The following TRPC1 variants were observed in gnomAD, a reference collection of about 807,000 sequenced individuals.
TRPC1 encodes the protein transient receptor potential cation channel subfamily C member 1.
In TRPC1, 42 loss-of-function variants were observed where a neutral mutation model predicts 88.2. The ratio of observed to expected loss-of-function variants is 0.48; its 90% confidence interval spans 0.37 to 0.62. The LOEUF is 0.62. Among genes scored for constraint, TRPC1 ranks in the 20% least tolerant of loss-of-function variants. The pLI is 0.00. For missense variants in TRPC1, 699 were observed against 957.3 expected (o/e 0.73, Z 3.56); for synonymous variants, 288 against 331.8 (o/e 0.87, Z 1.43).
intron 9 of TRPC1, among the ~76,000 whole-genome samples, chr3:142,800,762 CA>C (rs1427246080): frequency 6.6e-6 from 1 of 151,490 alleles, no homozygotes; most frequent in Non-Finnish European, 1.5e-5. Context: ...ACTAAAAATA[CA>C]AAAAATTAGC....
At chr3:142,790,947 G>T in intron 7 of TRPC1, 72 bp from the exon 8 acceptor site, 1 of 1,197,626 alleles carries the variant, frequency 8.3e-7, no homozygotes, top group Non-Finnish European at 1.1e-6. Context: ...AATATTTTGA[G>T]TCTTAAAGTA....
intron 2 of TRPC1, among the ~76,000 whole-genome samples, chr3:142,738,485 T>A (rs1236231714): frequency 6.6e-6 from 1 of 152,258 alleles, no homozygotes; most frequent in Non-Finnish European, 1.5e-5. Flanking sequence ...CATTTTATAT[T>A]GCTTTGCATT....
At position 142,748,471 on chromosome 3, in the gene TRPC1, T is replaced by G. The variant is rs958275645; in HGVS notation, c.632+11T>G. 4 of 1,612,434 alleles carry G rather than the reference T, an allele frequency of 2.5e-6. No individual in the cohort carries two copies. Among genetic ancestry groups the G allele is most frequent in the Admixed American group, 1.7e-5 (1 of 59,948 alleles). On this transcript the variant is annotated intron_variant, in intron 4 of 12. Coordinates refer to ENST00000476941, the MANE Select transcript of TRPC1 (RefSeq NM_001251845.2). The stretch of plus-strand genomic sequence containing the variant: ...CCTCCGGCATTCCAGGTTAGAACAT[T>G]AAACTTTTGATAAATAGATGTGTGA...
intron 4 of TRPC1, among the ~76,000 whole-genome samples, chr3:142,774,650 CAATA>C (rs1219954646): frequency 6.6e-6 from 1 of 152,130 alleles, no homozygotes; most frequent in Admixed American, 6.5e-5. Flanking sequence ...CAACAATTCT[CAATA>C]AACAGTTTCC....
chr3:142,746,990 T>A (rs1288470018), intron 3 of TRPC1, among the ~76,000 whole-genome samples: 1 of 152,242 alleles, frequency 6.6e-6, no homozygotes, highest in Non-Finnish European at 1.5e-5. Flanking sequence ...AATAAAATAC[T>A]TGAACACAGA....
rs762220641 is a variant in TRPC1, at chr3:142,780,823, G to A, written c.765-11G>A. 2 of 1,585,802 alleles carry A rather than the reference G, an allele frequency of 1.3e-6. No homozygotes were observed. Among genetic ancestry groups the A allele is most frequent in the South Asian group, 1.2e-5 (1 of 85,484 alleles). On this transcript the variant is annotated splice_polypyrimidine_tract_variant and intron_variant, in intron 5 of 12. Transcript: ENST00000476941. The stretch of plus-strand genomic sequence containing the variant: ...ACGACGTTTCTGATAATAGAATGCT[G>A]CATTTTATAGGAATGATTATGAGGA...
rs867436781 is a variant in TRPC1, at chr3:142,763,935, C to G, written c.633-13697C>G. Among the ~76,000 whole-genome samples the G allele has an allele frequency of 3.0e-4, 21 of 70,624 alleles. 1 individual carries two copies. The East Asian group carries it at 8.3e-3, about 28-fold the overall frequency. The allele number at this position is 70,624 out of a possible 152,430, so 46.3% of individuals were successfully genotyped here. A position where few individuals can be genotyped will look rare whatever the true frequency, so the allele number is the denominator to read the frequency against. ...TTGCAGTCCAGCCTGGGCAATAGAG[C>G]GAGACTCCGTCTCAAAAAAAAGAAA... On this transcript the variant is annotated intron_variant, in intron 4 of 12. Transcript: ENST00000476941.
At chr3:142,750,358 C>T (rs1039785431) in intron 4 of TRPC1, among the ~76,000 whole-genome samples, 1 of 152,146 alleles carries the variant, frequency 6.6e-6, no homozygotes, top group Non-Finnish European at 1.5e-5. Flanking sequence ...ATCAAAACCA[C>T]AGTGAGATAC....
intron 4 of TRPC1, among the ~76,000 whole-genome samples, chr3:142,768,503 T>C (rs1935472311): frequency 6.6e-6 from 1 of 152,144 alleles, no homozygotes; most frequent in African/African-American, 2.4e-5. Flanking sequence ...TTTTGGACAG[T>C]GTACTATTGG....
intron 11 of TRPC1, 79 bp downstream of exon 11, chr3:142,804,257 T>A: frequency 7.9e-7 from 1 of 1,260,504 alleles, no homozygotes; most frequent in Non-Finnish European, 1.1e-6. Flanking sequence ...AGCCAAAGAT[T>A]ATAAGATTAT....
intron 9 of TRPC1, among the ~76,000 whole-genome samples, chr3:142,794,348 TATA>T (rs763000920): frequency 3.8e-4 from 58 of 152,122 alleles, no homozygotes; most frequent in Non-Finnish European, 6.8e-4. Context: ...AAGGAGAAAG[TATA>T]ATATTTTTTA....
rs571720881 is a variant in TRPC1, at chr3:142,739,769, A to G, written c.327+3236A>G. 1.5e-4 allele frequency among the ~76,000 whole-genome samples: 23 copies of G among 152,284 alleles called. No homozygotes were observed. The South Asian group carries it at 4.4e-3, about 29-fold the overall frequency. On this transcript the variant is annotated intron_variant, in intron 2 of 12. Coordinates refer to ENST00000476941, the MANE Select transcript of TRPC1 (RefSeq NM_001251845.2). The stretch of plus-strand genomic sequence containing the variant: ...TGGAAAGTGGGAAAGGCTATAGCCT[A>G]TGTCAATAGTTTTTGTAGTAATCTA...
rs543104293 is a variant in TRPC1, at chr3:142,724,893, C to T, written c.172+162C>T. ...GCGGTCTTCTCCTCACCGCCTCTGC[C>T]CTGTGAGTGTGGAGCTGGCGGGAGA... On this transcript the variant is annotated intron_variant, in intron 1 of 12. Coordinates refer to ENST00000476941, the MANE Select transcript of TRPC1 (RefSeq NM_001251845.2). The surrounding 1 kb of genome is among the most constrained non-coding windows in gnomAD (Gnocchi z 5.6). 2.0e-5 allele frequency among the ~76,000 whole-genome samples: 3 copies of T among 152,216 alleles called. No homozygotes were observed. Among genetic ancestry groups the T allele is most frequent in the Non-Finnish European group, 4.4e-5 (3 of 68,034 alleles).
intron 1 of TRPC1, among the ~76,000 whole-genome samples, chr3:142,732,585 A>T (rs1168450184): frequency 6.6e-6 from 1 of 152,158 alleles, no homozygotes; most frequent in Non-Finnish European, 1.5e-5. Flanking sequence ...TGTGGGTAGC[A>T]GTATACATGG....
intron 1 of TRPC1, among the ~76,000 whole-genome samples, chr3:142,730,894 C>A (rs944914984): frequency 6.6e-6 from 1 of 152,174 alleles, no homozygotes; most frequent in Admixed American, 6.5e-5. Flanking sequence ...TTCTCTCACA[C>A]TTCACAACTA....
chr3:142,753,275 G>A (rs531214389), intron 4 of TRPC1, among the ~76,000 whole-genome samples: 1 of 152,128 alleles, frequency 6.6e-6, no homozygotes, highest in Non-Finnish European at 1.5e-5. Flanking sequence ...AAATTGAAAG[G>A]TATTTTAGGC....
intron 7 of TRPC1, 173 bp downstream of exon 7, chr3:142,785,213 A>T (rs1298344593): frequency 2.3e-5 from 12 of 520,986 alleles, no homozygotes; most frequent in Admixed American, 3.8e-5. Context: ...TGTAAAGATA[A>T]ATGTTCCTGA....
At chr3:142,779,293 T>TA (rs1229885655) in intron 5 of TRPC1, among the ~76,000 whole-genome samples, 3 of 152,194 alleles carry the variant, frequency 2.0e-5, no homozygotes, top group Non-Finnish European at 4.4e-5. Flanking sequence ...GGAGCAAAGT[T>TA]ATAACTAGAA....
chr3:142,799,622 A>G (rs988722496), intron 9 of TRPC1, among the ~76,000 whole-genome samples: 1 of 152,080 alleles, frequency 6.6e-6, no homozygotes, highest in African/African-American at 2.4e-5. Context: ...CCTGGGCAAC[A>G]TAGCAAGACC....
Sources: gnomAD v4.1 joint callset for allele counts (sites outside exome capture counted in the v4.1 genomes callset) on GRCh38, gnomAD v4.1.1 for gene constraint, Gnocchi (gnomAD v3.1) non-coding constraint, MANE v1.5 for transcripts, NCBI Gene and HGNC (gene_info 2026-07-23, HGNC 2026-07-21) for gene names.